Variants in PARD3B observed in about 807,000 individuals in gnomAD.
The protein encoded by PARD3B is partitioning defective 3 homolog B.
Under a neutral mutation model 130.2 loss-of-function variants are expected in PARD3B, and 103 were observed. That is an observed-to-expected ratio of 0.79 (90% CI 0.67 to 0.93). The LOEUF is 0.93. Among genes scored for constraint, PARD3B ranks in the 40% least tolerant of loss-of-function variants. PARD3B has a pLI of 0.00. For missense variants in PARD3B, 1,609 were observed against 1,499.2 expected (o/e 1.07, Z -1.21); for synonymous variants, 583 against 553.2 (o/e 1.05, Z -0.76).
intron 2 of PARD3B, among the ~76,000 whole-genome samples, chr2:204,861,162 TTCTCTCTCTC>T (rs60740602): frequency 0.063 from 5,743 of 91,288 alleles, 225 homozygotes; most frequent in African/African-American, 0.11. Flanking sequence ...CCTAATACCT[TTCTCTCTCTC>T]TCTCTCTCTC....
chr2:204,748,489 C>T (rs1455481454), intron 2 of PARD3B, among the ~76,000 whole-genome samples: 5 of 152,030 alleles, frequency 3.3e-5, no homozygotes, highest in Non-Finnish European at 5.9e-5. Context: ...GGATGAGAAA[C>T]GATTGTGGAA....
intron 2 of PARD3B, among the ~76,000 whole-genome samples, chr2:204,931,316 A>G (rs1426816920): frequency 6.6e-6 from 1 of 152,070 alleles, no homozygotes; most frequent in East Asian, 1.9e-4. Context: ...AGCATGTACT[A>G]TTAGTGTTTA....
intron 2 of PARD3B, among the ~76,000 whole-genome samples, chr2:204,798,217 C>T (rs1218847394): frequency 6.6e-6 from 1 of 152,118 alleles, no homozygotes; most frequent in Non-Finnish European, 1.5e-5. Flanking sequence ...TGCTTGGCAC[C>T]AGGAGAGAAT....
intron 1 of PARD3B, among the ~76,000 whole-genome samples, chr2:204,552,074 C>T (rs1323093202): frequency 1.3e-5 from 2 of 152,302 alleles, no homozygotes; most frequent in East Asian, 1.9e-4. Flanking sequence ...CCACAAATGG[C>T]TTGCCTTAGT....
At chr2:204,837,874 C>G (rs2044106724) in intron 2 of PARD3B, among the ~76,000 whole-genome samples, 1 of 152,122 alleles carries the variant, frequency 6.6e-6, no homozygotes, top group Non-Finnish European at 1.5e-5. Flanking sequence ...TTGAAGACCA[C>G]TATTTGTCCT....
At chr2:205,004,096 A>G (rs1268844147) in intron 3 of PARD3B, among the ~76,000 whole-genome samples, 1 of 152,228 alleles carries the variant, frequency 6.6e-6, no homozygotes, top group Admixed American at 6.5e-5. Context: ...GATCCAGGCT[A>G]GGTTGACAAG....
chr2:204,652,992 G>A (rs993253745), intron 1 of PARD3B, among the ~76,000 whole-genome samples: 1 of 150,934 alleles, frequency 6.6e-6, no homozygotes, highest in Non-Finnish European at 1.5e-5. Context: ...CTCCCACCAG[G>A]CCCCTCTCCC....
chr2:204,973,768 T>C (rs1312322721), intron 3 of PARD3B, among the ~76,000 whole-genome samples: 2 of 152,206 alleles, frequency 1.3e-5, no homozygotes, highest in African/African-American at 4.8e-5. Context: ...ATTTGAAATT[T>C]TGCTAAGATC....
intron 20 of PARD3B, among the ~76,000 whole-genome samples, chr2:205,482,967 G>A (rs1045336807): frequency 1.3e-5 from 2 of 151,866 alleles, no homozygotes; most frequent in Non-Finnish European, 2.9e-5. Context: ...CCAGCTGTGA[G>A]CGGCTGAATT....
In PARD3B at chr2:205,528,725, C is replaced by G. The variant is rs185829101; in HGVS notation, c.3181-24599C>G. On this transcript the variant is annotated intron_variant, in intron 21 of 22. Coordinates refer to ENST00000406610, the MANE Select transcript of PARD3B (RefSeq NM_001302769.2). ...CAGGATGGTCTCAATCTCTTGACCTCGTGATCAGCCCACCTCAGCCTCCCA... is the reference window on the plus strand; with the variant it reads ...CAGGATGGTCTCAATCTCTTGACCTGGTGATCAGCCCACCTCAGCCTCCCA... 3.5e-3 allele frequency among the ~76,000 whole-genome samples: 539 copies of G among 152,206 alleles called. 1 individual carries two copies. The highest frequency in any genetic ancestry group is 7.3e-3 in the Admixed American group (112 of 15,290).
chr2:205,091,483 CTTG>C lies in PARD3B; in HGVS notation c.505-12931_505-12929del, dbSNP rs919521752. Among the ~76,000 whole-genome samples the C allele has an allele frequency of 6.6e-6, 1 of 152,110 alleles. No individual in the cohort carries two copies. The highest frequency in any genetic ancestry group is 1.5e-5 in the Non-Finnish European group (1 of 68,008). On this transcript the variant is annotated intron_variant, in intron 4 of 22. Transcript: ENST00000406610. The surrounding 1 kb of genome is among the most constrained non-coding windows in gnomAD (Gnocchi z 4.2). ...AATATCCTCCCCACATTCACTCAGG[CTTG>C]TTGTTGTTGTTTCTAGCAACCACCA...
intron 3 of PARD3B, among the ~76,000 whole-genome samples, chr2:204,985,970 A>G (rs1438819830): frequency 1.3e-5 from 2 of 151,768 alleles, no homozygotes; most frequent in Non-Finnish European, 2.9e-5. Flanking sequence ...GCGTGATGGC[A>G]GGCGCCTGTA....
At chr2:205,190,441 T>C (rs1396914733) in intron 14 of PARD3B, among the ~76,000 whole-genome samples, 1 of 152,206 alleles carries the variant, frequency 6.6e-6, no homozygotes, top group Non-Finnish European at 1.5e-5. Flanking sequence ...TGCACCATTC[T>C]ATTGAAACAA....
intron 20 of PARD3B, among the ~76,000 whole-genome samples, chr2:205,445,297 T>A (rs2047867306): frequency 6.6e-6 from 1 of 152,166 alleles, no homozygotes. Context: ...GACGAATGTA[T>A]TAGTCCATTC....
At chr2:205,225,176 C>G (rs78469980) in intron 15 of PARD3B, among the ~76,000 whole-genome samples, 20,852 of 151,990 alleles carry the variant, frequency 0.14, 1,808 homozygotes, top group African/African-American at 0.25. Context: ...TTTTAAGGAA[C>G]CTCCAAACCA....
At chr2:205,369,667 C>T (rs2105903814) in intron 18 of PARD3B, among the ~76,000 whole-genome samples, 1 of 152,246 alleles carries the variant, frequency 6.6e-6, no homozygotes, top group East Asian at 1.9e-4. Context: ...CCTGTGGAGG[C>T]TTCTTCAGCT....
chr2:204,730,996 G>T (rs1260409069), intron 2 of PARD3B, among the ~76,000 whole-genome samples: 1 of 152,166 alleles, frequency 6.6e-6, no homozygotes, highest in Non-Finnish European at 1.5e-5. Context: ...AATTCTAAGA[G>T]ATTGTAAGTG....
At chr2:205,439,750 C>T (rs887753142) in intron 19 of PARD3B, among the ~76,000 whole-genome samples, 5 of 152,160 alleles carry the variant, frequency 3.3e-5, no homozygotes, top group Non-Finnish European at 7.3e-5. Context: ...CACTATTTTA[C>T]TCTGTCCCTA....
intron 18 of PARD3B, among the ~76,000 whole-genome samples, chr2:205,395,948 G>GA (rs2046013466): frequency 6.6e-6 from 1 of 152,086 alleles, no homozygotes; most frequent in South Asian, 2.1e-4. Context: ...ATCACTCTTA[G>GA]ATTAAACCAC....
Sources: allele counts gnomAD v4.1 joint callset (sites outside exome capture counted in the v4.1 genomes callset), GRCh38; gene constraint gnomAD v4.1.1; non-coding constraint Gnocchi (gnomAD v3.1); transcripts MANE v1.5; gene names NCBI Gene and HGNC (gene_info 2026-07-23, HGNC 2026-07-21).